The following LANCL2 variants were observed in gnomAD, a reference collection of about 807,000 sequenced individuals.
LANCL2 encodes lanC-like protein 2.
In LANCL2, 33 loss-of-function variants were observed where a neutral mutation model predicts 56.9. The ratio of observed to expected loss-of-function variants is 0.58; its 90% CI spans 0.44 to 0.78. The LOEUF (loss-of-function observed/expected upper bound fraction) is 0.78, where lower values mean the gene tolerates loss of function less well. Among genes scored for constraint, LANCL2 ranks in the 30% least tolerant of loss-of-function variants. The probability of loss-of-function intolerance (pLI) is 0.00; values close to 1 mark genes in which losing one functional copy is unlikely to be tolerated. For synonymous variants in LANCL2, 233 were observed against 228.2 expected (o/e 1.02, Z -0.19); for missense variants, 562 against 580.2 (o/e 0.97, Z 0.32).
chr7:55,407,922 G>T (rs1790428105), intron 5 of LANCL2, among the ~76,000 whole-genome samples: 1 of 152,250 alleles, frequency 6.6e-6, no homozygotes, highest in South Asian at 2.1e-4. Context: ...GTGCACTGAG[G>T]ACAGCGAGGA....
At chr7:55,425,997 C>CT (rs1790660645) in intron 7 of LANCL2, among the ~76,000 whole-genome samples, 1 of 152,292 alleles carries the variant, frequency 6.6e-6, no homozygotes, top group South Asian at 2.1e-4. Flanking sequence ...GTTGCCCTCT[C>CT]TAAGAACGGA....
Position 55,391,808 on chromosome 7 carries a change from A to T in LANCL2, c.220A>T (p.Ile74Leu). The stretch of plus-strand genomic sequence containing the variant: ...TGGATCTCAGATCATTCATAATTTC[A>T]TAAGACGGATCCAGACCAAAATTAA... ...HQDGKIIHNF[I>L]RRIQTKIKDL... is the part of the protein sequence containing the mutation. The change falls in exon 2 of 9, where the codon ATA (isoleucine) becomes TTA (leucine). Residue 74 changes from isoleucine (I) to leucine (L), a missense_variant. Transcript: ENST00000254770. 6.3e-7 allele frequency: 1 copy of T among 1,595,968 alleles called. No homozygotes were observed. The highest frequency in any genetic ancestry group is 8.6e-7 in the Non-Finnish European group (1 of 1,164,150).
chr7:55,391,239 C>T (rs923725190), intron 1 of LANCL2, among the ~76,000 whole-genome samples: 13 of 151,758 alleles, frequency 8.6e-5, no homozygotes, highest in African/African-American at 2.9e-4. Context: ...AGGATGGTCT[C>T]GATCTCCTGA....
At chr7:55,424,364 A>C (rs368164140) in intron 6 of LANCL2, among the ~76,000 whole-genome samples, 2 of 152,118 alleles carry the variant, frequency 1.3e-5, no homozygotes, top group South Asian at 4.1e-4. Flanking sequence ...GGACCCCAGA[A>C]AGCTTTGTGC....
intron 2 of LANCL2, chr7:55,394,102 G>A (rs1421250919): frequency 1.3e-5 from 2 of 152,194 alleles, no homozygotes; most frequent in Non-Finnish European, 2.9e-5. Context: ...GTTACATTAG[G>A]AACTCTAGAG....
intron 5 of LANCL2, among the ~76,000 whole-genome samples, chr7:55,409,436 CAG>C (rs1790448669): frequency 2.6e-5 from 4 of 152,134 alleles, no homozygotes; most frequent in African/African-American, 9.7e-5. Context: ...GCATTCTGCC[CAG>C]AAAGTTACCA....
At chr7:55,382,174 A>G (rs1790076437) in intron 1 of LANCL2, among the ~76,000 whole-genome samples, 1 of 152,242 alleles carries the variant, frequency 6.6e-6, no homozygotes, top group Non-Finnish European at 1.5e-5. Flanking sequence ...CCTGAAAAGA[A>G]CCAGATAGTG....
chr7:55,394,401 A>C (rs1453971239), intron 2 of LANCL2, among the ~76,000 whole-genome samples: 1 of 152,152 alleles, frequency 6.6e-6, no homozygotes, highest in Non-Finnish European at 1.5e-5. Flanking sequence ...ACAAGACCCC[A>C]TCTCTAAAAT....
At chr7:55,383,254 A>C (rs1173640021) in intron 1 of LANCL2, among the ~76,000 whole-genome samples, 1 of 152,204 alleles carries the variant, frequency 6.6e-6, no homozygotes, top group Non-Finnish European at 1.5e-5. Context: ...GGAAGGAAGA[A>C]GCTCCTCCTT....
chr7:55,404,062 G>A (rs1479288850), intron 5 of LANCL2, among the ~76,000 whole-genome samples: 3 of 152,128 alleles, frequency 2.0e-5, no homozygotes, highest in Non-Finnish European at 4.4e-5. Context: ...TTATGATCTT[G>A]TCTCTCAAAC....
chr7:55,378,991 C>A (rs574174543), intron 1 of LANCL2, among the ~76,000 whole-genome samples: 2 of 152,096 alleles, frequency 1.3e-5, no homozygotes, highest in Non-Finnish European at 2.9e-5. Flanking sequence ...AATTAGCCAG[C>A]CTGGTTGCAG....
chr7:55,429,936 G>T (rs1233468816), intron 8 of LANCL2, among the ~76,000 whole-genome samples: 2 of 152,256 alleles, frequency 1.3e-5, no homozygotes, highest in Non-Finnish European at 2.9e-5. Context: ...GCCTAGCAAT[G>T]CAGGCCATTG....
intron 2 of LANCL2, among the ~76,000 whole-genome samples, chr7:55,396,670 G>A (rs532873656): frequency 1.1e-3 from 169 of 151,760 alleles, no homozygotes; most frequent in Non-Finnish European, 1.5e-3. Context: ...CTAGTGCAAC[G>A]TGTCCGCCTG....
chr7:55,414,583 A>AT (rs1790505803), intron 6 of LANCL2, among the ~76,000 whole-genome samples: 1 of 152,182 alleles, frequency 6.6e-6, no homozygotes, highest in African/African-American at 2.4e-5. Context: ...CTCCCTGTAG[A>AT]TGCTCATCAT....
chr7:55,399,373 C>T (rs1240447972), intron 3 of LANCL2, among the ~76,000 whole-genome samples: 5 of 136,022 alleles, frequency 3.7e-5, no homozygotes, highest in South Asian at 2.5e-4. Flanking sequence ...GATGGAATTT[C>T]GCTCTTGTTG....
At chr7:55,415,263 AC>A (rs923044153) in intron 6 of LANCL2, among the ~76,000 whole-genome samples, 28 of 152,314 alleles carry the variant, frequency 1.8e-4, no homozygotes, top group Admixed American at 1.7e-3. Flanking sequence ...TAATACCCCC[AC>A]CAGGGTGACA....
intron 5 of LANCL2, among the ~76,000 whole-genome samples, chr7:55,405,111 T>C (rs1338042553): frequency 6.6e-6 from 1 of 152,234 alleles, no homozygotes; most frequent in East Asian, 1.9e-4. Context: ...CCCCATCATC[T>C]GTCATCTACA....
chr7:55,396,427 G>C (rs774441831), intron 2 of LANCL2, among the ~76,000 whole-genome samples: 2 of 152,258 alleles, frequency 1.3e-5, no homozygotes, highest in African/African-American at 4.8e-5. Context: ...CCCGGAGCAA[G>C]GGAGATGCCT....
chr7:55,397,191 G>A (rs967764880), intron 2 of LANCL2: 1 of 152,230 alleles, frequency 6.6e-6, no homozygotes, highest in Non-Finnish European at 1.5e-5. Context: ...GCTGGGTGCA[G>A]TGGTTCACGC....
Sources: gnomAD v4.1 joint callset for allele counts (sites outside exome capture counted in the v4.1 genomes callset) on GRCh38, gnomAD v4.1.1 for gene constraint, MANE v1.5 for transcripts, NCBI Gene and HGNC (gene_info 2026-07-23, HGNC 2026-07-21) for gene names.